Variants in TRPM3 observed in about 807,000 individuals in gnomAD.
TRPM3 encodes the protein transient receptor potential cation channel subfamily M member 3.
Under a neutral mutation model 181.2 loss-of-function variants are expected in TRPM3, and 77 were observed. The ratio of observed to expected loss-of-function variants is 0.42; its 90% CI spans 0.35 to 0.51. The LOEUF is 0.51. Among genes scored for constraint, TRPM3 ranks in the 20% least tolerant of loss-of-function variants. TRPM3 has a pLI of 0.01. For synonymous variants in TRPM3, 745 were observed against 796.4 expected, an observed-to-expected ratio of 0.94 and a Z score of 1.09; for missense variants, 1,759 against 2,196.7, an observed-to-expected ratio of 0.80 and a Z score of 3.98.
intron 1 of TRPM3, among the ~76,000 whole-genome samples, chr9:71,329,247 T>G (rs534964943): frequency 2.0e-5 from 3 of 152,260 alleles, no homozygotes; most frequent in Non-Finnish European, 4.4e-5. Context: ...TCTTATTTCA[T>G]GTGTGTTTAT....
intron 2 of TRPM3, among the ~76,000 whole-genome samples, chr9:70,863,900 G>A (rs7873530): frequency 0.35 from 53,872 of 151,876 alleles, 9,919 homozygotes; most frequent in African/African-American, 0.39. Context: ...CTGATCTGTT[G>A]AATTGCCCAT....
intron 3 of TRPM3, among the ~76,000 whole-genome samples, chr9:70,852,128 C>CT (rs1325638545): frequency 8.9e-5 from 4 of 44,912 alleles, no homozygotes; most frequent in East Asian, 1.0e-3. Flanking sequence ...ACTCTATCTC[C>CT]AAAAAAAAAA....
At chr9:71,418,784 T>C (rs1301721656) in intron 1 of TRPM3, among the ~76,000 whole-genome samples, 1 of 134,336 alleles carries the variant, frequency 7.4e-6, no homozygotes, top group Non-Finnish European at 1.6e-5. Flanking sequence ...ATATAGAGTA[T>C]ATACATCCTT....
chr9:71,223,041 G>T (rs2080340314), intron 1 of TRPM3, among the ~76,000 whole-genome samples: 1 of 152,142 alleles, frequency 6.6e-6, no homozygotes, highest in Admixed American at 6.5e-5. Flanking sequence ...TTGGGGGCTA[G>T]GGGCTGGGGG....
chr9:71,021,055 A>G (rs1255222188), intron 1 of TRPM3, among the ~76,000 whole-genome samples: 1 of 152,222 alleles, frequency 6.6e-6, no homozygotes, highest in Non-Finnish European at 1.5e-5. Context: ...AAAAAAAGAA[A>G]GAATTACTGC....
At chr9:71,117,228 C>G (rs1437358917) in intron 1 of TRPM3, among the ~76,000 whole-genome samples, 1 of 152,188 alleles carries the variant, frequency 6.6e-6, no homozygotes, top group African/African-American at 2.4e-5. Flanking sequence ...TTAGACACTA[C>G]AGCCAAAGCA....
intron 7 of TRPM3, chr9:70,776,015 T>C (rs1386285568): frequency 1.9e-5 from 3 of 156,970 alleles, no homozygotes; most frequent in African/African-American, 7.2e-5. Context: ...ATATTGTTAT[T>C]GACTATAGTC....
intron 1 of TRPM3, among the ~76,000 whole-genome samples, chr9:71,238,613 G>A (rs2081494942): frequency 6.6e-6 from 1 of 152,184 alleles, no homozygotes; most frequent in South Asian, 2.1e-4. Flanking sequence ...AAAATTTGAT[G>A]TGATGCATCT....
intron 22 of TRPM3, among the ~76,000 whole-genome samples, chr9:70,588,635 G>A (rs527837143): frequency 2.0e-4 from 30 of 152,278 alleles, no homozygotes; most frequent in East Asian, 9.7e-4. Context: ...TATGAGATCC[G>A]ATCAGCCTGA....
intron 4 of TRPM3, among the ~76,000 whole-genome samples, chr9:70,844,291 A>G (rs2094847095): frequency 1.3e-5 from 2 of 152,246 alleles, no homozygotes; most frequent in South Asian, 4.1e-4. Flanking sequence ...GATGAAACAG[A>G]AAGAATCACT....
intron 1 of TRPM3, among the ~76,000 whole-genome samples, chr9:71,162,061 G>A (rs2076296464): frequency 6.6e-6 from 1 of 151,828 alleles, no homozygotes; most frequent in African/African-American, 2.4e-5. Context: ...TTAGCCAGGT[G>A]TGGTGGTGTG....
At position 71,403,837 on chromosome 9, in the gene TRPM3, TAA is replaced by T. The variant is rs1455590990; in HGVS notation, c.183+42814_183+42815del. Among the ~76,000 whole-genome samples the T allele has an allele frequency of 5.4e-5, 8 of 148,720 alleles. No homozygotes were observed. In the East Asian group the frequency reaches 1.8e-3, roughly 33 times the overall value. ...TGGAACCTCAGAGACTGCTGCAAGA[TAA>T]ACAACATGGGCATCTTAAAAGGAGA... On this transcript the variant is annotated intron_variant, in intron 1 of 24. Coordinates refer to the TRPM3 transcript ENST00000357533.
At chr9:71,294,990 T>C (rs1345249113) in intron 1 of TRPM3, among the ~76,000 whole-genome samples, 1 of 152,164 alleles carries the variant, frequency 6.6e-6, no homozygotes, top group Non-Finnish European at 1.5e-5. Flanking sequence ...TAATTATCTC[T>C]GTAAGAGGAG....
intron 1 of TRPM3, among the ~76,000 whole-genome samples, chr9:70,959,176 AT>A (rs974087762): frequency 5.1e-4 from 78 of 152,000 alleles, no homozygotes; most frequent in African/African-American, 1.6e-3. Flanking sequence ...AAGAAAAAAA[AT>A]ATGTCACCTG....
chr9:71,160,435 T>G (rs2076222988), intron 1 of TRPM3, among the ~76,000 whole-genome samples: 1 of 152,164 alleles, frequency 6.6e-6, no homozygotes, highest in South Asian at 2.1e-4. Context: ...ATTTGTTGAG[T>G]GTTAAATGCA....
chr9:71,264,747 G>T (rs533191007), intron 1 of TRPM3, among the ~76,000 whole-genome samples: 1 of 152,244 alleles, frequency 6.6e-6, no homozygotes, highest in African/African-American at 2.4e-5. Flanking sequence ...CTAGACAGGT[G>T]TACTTGCCAA....
chr9:71,367,957 GTGTA>G (rs1190407751), intron 1 of TRPM3, among the ~76,000 whole-genome samples: 3 of 150,756 alleles, frequency 2.0e-5, no homozygotes, highest in African/African-American at 4.9e-5. Flanking sequence ...GTGTGTGTGT[GTGTA>G]TATATATATC....
intron 1 of TRPM3, among the ~76,000 whole-genome samples, chr9:71,420,801 A>AAGAGAAAGAG (rs1565557555): frequency 3.6e-4 from 1 of 2,792 alleles, no homozygotes; most frequent in Non-Finnish European, 7.7e-4. Flanking sequence ...GAGAGAAAGA[A>AAGAGAAAGAG]AGAGAGAAAG....
chr9:71,282,509 A>G (rs1210918521), intron 1 of TRPM3, among the ~76,000 whole-genome samples: 1 of 152,216 alleles, frequency 6.6e-6, no homozygotes, highest in Non-Finnish European at 1.5e-5. Flanking sequence ...TTTAAAAACA[A>G]GAGGTATGCC....
Sources: allele counts gnomAD v4.1 joint callset (sites outside exome capture counted in the v4.1 genomes callset), GRCh38; gene constraint gnomAD v4.1.1; transcripts MANE v1.5; gene names NCBI Gene and HGNC (gene_info 2026-07-23, HGNC 2026-07-21).